The following CES5A variants were observed in gnomAD, a reference collection of about 807,000 sequenced individuals.
The protein encoded by CES5A is carboxylesterase 5A, also known as carboxylesterase 5.
CES5A carries 67 observed loss-of-function variants against 62.9 expected under a neutral mutation model. That is an observed-to-expected ratio of 1.07 (90% CI 0.88 to 1.31). The LOEUF is 1.31. Among genes scored for constraint, CES5A ranks in the 50% most tolerant of loss-of-function variants. CES5A has a pLI of 0.00. For synonymous variants in CES5A, 296 were observed against 280.8 expected (o/e 1.05, Z -0.54); for missense variants, 748 against 708.5 (o/e 1.06, Z -0.63).
intron 10 of CES5A, among the ~76,000 whole-genome samples, chr16:55,851,970 A>G (rs2033142234): frequency 6.6e-6 from 1 of 152,230 alleles, no homozygotes; most frequent in Admixed American, 6.5e-5. Flanking sequence ...ACTTACATTG[A>G]GTAACTAAAG....
chr16:55,916,823 T>C (rs1197569816), intron 1 of CES5A, among the ~76,000 whole-genome samples: 1 of 152,192 alleles, frequency 6.6e-6, no homozygotes, highest in African/African-American at 2.4e-5. Context: ...CTTTCCCCAG[T>C]CCTCTCCAAC....
intron 8 of CES5A, among the ~76,000 whole-genome samples, chr16:55,858,877 C>G (rs1312941266): frequency 2.6e-5 from 4 of 152,176 alleles, no homozygotes; most frequent in African/African-American, 7.2e-5. Flanking sequence ...TCAACAATCA[C>G]TCCCTAGAAG....
At chr16:55,953,851 T>C (rs902760968) in intron 1 of CES5A, among the ~76,000 whole-genome samples, 3 of 152,162 alleles carry the variant, frequency 2.0e-5, no homozygotes, top group Non-Finnish European at 4.4e-5. Flanking sequence ...AATTGGGGTG[T>C]CCATCACCTC....
At chr16:55,922,370 A>G (rs2034213950) in intron 1 of CES5A, among the ~76,000 whole-genome samples, 1 of 151,998 alleles carries the variant, frequency 6.6e-6, no homozygotes, top group African/African-American at 2.4e-5. Context: ...TGCAAACAGA[A>G]ACCAAAAAGG....
Position 55,870,725 on chromosome 16 carries a change from T to C in CES5A, c.417+900A>G, listed in dbSNP as rs374665146. On this transcript the variant is annotated intron_variant, in intron 3 of 12. Coordinates refer to ENST00000290567, the MANE Select transcript of CES5A (RefSeq NM_001143685.2). Reference sequence around the variant, plus strand: ...AAAAAAGAGGGAAGAGTAAAATTTTTATTGATTAGAAAAATTGGGATCAGG... The same window carrying C: ...AAAAAAGAGGGAAGAGTAAAATTTTCATTGATTAGAAAAATTGGGATCAGG... Among the ~76,000 whole-genome samples, 317 of 152,298 alleles carry C rather than the reference T, an allele frequency of 2.1e-3. 1 individual carries two copies. The highest frequency in any genetic ancestry group is 7.3e-3 in the African/African-American group (305 of 41,566).
intron 1 of CES5A, among the ~76,000 whole-genome samples, chr16:55,918,309 C>T (rs1006164966): frequency 6.6e-6 from 1 of 152,174 alleles, no homozygotes; most frequent in Admixed American, 6.5e-5. Context: ...CCCTTGGTGG[C>T]TGGATGTGCT....
At chr16:55,912,175 G>A (rs1315308547) in intron 1 of CES5A, among the ~76,000 whole-genome samples, 2 of 152,198 alleles carry the variant, frequency 1.3e-5, no homozygotes, top group Admixed American at 6.5e-5. Flanking sequence ...GGCCACCAGG[G>A]TCCCCAGATC....
chr16:55,903,536 T>C (rs2034011153), intron 1 of CES5A, among the ~76,000 whole-genome samples: 1 of 152,188 alleles, frequency 6.6e-6, no homozygotes, highest in African/African-American at 2.4e-5. Flanking sequence ...TTTTCTCACT[T>C]GTAAAAAGGG....
chr16:55,938,781 T>TATATATATACAC (rs2034411360), intron 2 of CES5A, among the ~76,000 whole-genome samples: 1 of 93,132 alleles, frequency 1.1e-5, no homozygotes, highest in African/African-American at 5.7e-5. Flanking sequence ...TATATATATA[T>TATATATATACAC]ATATATATAT....
intron 1 of CES5A, among the ~76,000 whole-genome samples, chr16:55,920,053 A>G (rs1256324137): frequency 1.3e-5 from 2 of 152,196 alleles, no homozygotes; most frequent in Non-Finnish European, 2.9e-5. Context: ...AGCAGGATAC[A>G]AAAAACAAAT....
At chr16:55,872,791 G>C (rs2033618381) in intron 2 of CES5A, among the ~76,000 whole-genome samples, 1 of 152,004 alleles carries the variant, frequency 6.6e-6, no homozygotes, top group Admixed American at 6.5e-5. Context: ...ACCCTTCCCT[G>C]ACACCCTAAT....
intron 8 of CES5A, among the ~76,000 whole-genome samples, chr16:55,857,683 G>A (rs2033270280): frequency 6.6e-6 from 1 of 152,168 alleles, no homozygotes; most frequent in African/African-American, 2.4e-5. Flanking sequence ...TGGAATTTCA[G>A]CACCCACACA....
intron 3 of CES5A, among the ~76,000 whole-genome samples, chr16:55,870,899 C>A (rs1321852450): frequency 6.6e-6 from 1 of 152,182 alleles, no homozygotes; most frequent in Non-Finnish European, 1.5e-5. Flanking sequence ...GGTGGACAAA[C>A]CTCTGGCTTT....
At chr16:55,871,577 C>A (rs745647794) in intron 3 of CES5A, 48 bp downstream of exon 3, 1 of 1,607,410 alleles carries the variant, frequency 6.2e-7, no homozygotes, top group Non-Finnish European at 8.5e-7. Flanking sequence ...GGATCCCAGG[C>A]CAAGGTCCTG....
At chr16:55,923,743 A>C (rs2034232248) in intron 1 of CES5A, among the ~76,000 whole-genome samples, 1 of 151,812 alleles carries the variant, frequency 6.6e-6, no homozygotes, top group Non-Finnish European at 1.5e-5. Flanking sequence ...ATCACTGAAG[A>C]ACTTAGATGC....
At chr16:55,901,234 C>T (rs1342087657) in intron 1 of CES5A, among the ~76,000 whole-genome samples, 1 of 152,184 alleles carries the variant, frequency 6.6e-6, no homozygotes, top group Non-Finnish European at 1.5e-5. Flanking sequence ...TAAGACATGA[C>T]TTTGCCATTT....
At chr16:55,893,999 T>C (rs2033906342) in intron 1 of CES5A, among the ~76,000 whole-genome samples, 2 of 151,880 alleles carry the variant, frequency 1.3e-5, no homozygotes, top group Non-Finnish European at 2.9e-5. Context: ...AAAAGACACA[T>C]TGGATTGTAG....
At chr16:55,934,111 C>T (rs1260291273) in intron 2 of CES5A, among the ~76,000 whole-genome samples, 1 of 152,104 alleles carries the variant, frequency 6.6e-6, no homozygotes. Context: ...CTTGACTGTC[C>T]TATTTAAAAT....
intron 1 of CES5A, among the ~76,000 whole-genome samples, chr16:55,950,346 T>C (rs1360558445): frequency 2.6e-5 from 4 of 152,148 alleles, no homozygotes; most frequent in South Asian, 2.1e-4. Context: ...ATGGAAAGAA[T>C]AGAATCAATA....
Sources: allele counts gnomAD v4.1 joint callset (sites outside exome capture counted in the v4.1 genomes callset), GRCh38; gene constraint gnomAD v4.1.1; transcripts MANE v1.5; gene names NCBI Gene and HGNC (gene_info 2026-07-23, HGNC 2026-07-21).